Variants in LGR6 observed in about 807,000 individuals in gnomAD.
The protein encoded by LGR6 is leucine rich repeat containing G protein-coupled receptor 6.
LGR6 carries 45 observed loss-of-function variants against 69.4 expected under a neutral mutation model. The observed-to-expected ratio is 0.65, with a 90% CI of 0.51 to 0.83. The LOEUF (loss-of-function observed/expected upper bound fraction) is 0.83, where lower values mean the gene tolerates loss of function less well. Ranked by LOEUF, LGR6 falls within the 40% of genes least tolerant of loss-of-function variation. The pLI is 0.00. For synonymous variants in LGR6, 538 were observed against 555.0 expected (o/e 0.97, Z 0.43); for missense variants, 1,108 against 1,246.7 (o/e 0.89, Z 1.68).
chr1:202,303,201 G>A (rs1667733376), intron 9 of LGR6, 78 bp from the exon 10 acceptor site: 1 of 1,129,814 alleles, frequency 8.9e-7, no homozygotes, highest in Non-Finnish European at 1.3e-6. Flanking sequence ...CCGGAGGGGA[G>A]ACAAAATGGA....
At chr1:202,213,230 T>C (rs1415162143) in intron 1 of LGR6, among the ~76,000 whole-genome samples, 1 of 152,138 alleles carries the variant, frequency 6.6e-6, no homozygotes, top group African/African-American at 2.4e-5. Flanking sequence ...TGTCCAACAC[T>C]TCCCCATGTC....
intron 1 of LGR6, among the ~76,000 whole-genome samples, chr1:202,218,310 C>A (rs60505020): frequency 0.028 from 4,210 of 152,146 alleles, 194 homozygotes; most frequent in African/African-American, 0.096. Context: ...TTAAAATTTT[C>A]TTTTAAGAGA....
chr1:202,204,243 ACCT>A (rs1242410345), intron 1 of LGR6, among the ~76,000 whole-genome samples: 309 of 121,776 alleles, frequency 2.5e-3, no homozygotes, highest in African/African-American at 9.1e-3. Context: ...ACACACACAC[ACCT>A]CCACACACAA....
chr1:202,201,627 C>G (rs1013950960), intron 1 of LGR6, among the ~76,000 whole-genome samples: 3 of 152,202 alleles, frequency 2.0e-5, no homozygotes, highest in Admixed American at 2.0e-4. Flanking sequence ...TGAGGGGTTT[C>G]CAAACTCCAA....
chr1:202,301,094 A>G, intron 8 of LGR6, 70 bp from the exon 9 acceptor site: 1 of 1,457,460 alleles, frequency 6.9e-7, no homozygotes, highest in East Asian at 2.3e-5. Context: ...AGAAGAAAGC[A>G]GAGATTGGCC....
chr1:202,230,407 G>A (rs942243013), intron 3 of LGR6, among the ~76,000 whole-genome samples: 3 of 152,122 alleles, frequency 2.0e-5, no homozygotes, highest in Non-Finnish European at 2.9e-5. Context: ...GTCTCACATC[G>A]CTATCTCTGT....
rs1053338791 is a variant in LGR6 at position 202,288,003 on chromosome 1, G to GA, written c.716+7161dup. ...TCCAGTGATTCCTCATCATACTCCA[G>GA]AAAAAAAAAAGCCAACATTCTGTAC... On this transcript the variant is annotated intron_variant, in intron 6 of 17. Transcript: ENST00000367278. 1.4e-3 allele frequency among the ~76,000 whole-genome samples: 205 copies of GA among 147,772 alleles called. 1 individual carries two copies. The highest frequency in any genetic ancestry group is 4.4e-3 in the African/African-American group (178 of 40,422).
chr1:202,214,680 C>G (rs1659646872), intron 1 of LGR6, among the ~76,000 whole-genome samples: 1 of 152,164 alleles, frequency 6.6e-6, no homozygotes, highest in African/African-American at 2.4e-5. Context: ...GTTCCCTGAC[C>G]TATTAAAAAG....
rs544313896 is a variant in LGR6 at position 202,221,202 on chromosome 1, C to G, written c.213-4221C>G. 5.3e-4 allele frequency among the ~76,000 whole-genome samples: 81 copies of G among 152,172 alleles called. 1 individual carries two copies. The highest frequency in any genetic ancestry group is 9.6e-4 in the Non-Finnish European group (65 of 67,996). On this transcript the variant is annotated intron_variant, in intron 1 of 17. Transcript: ENST00000367278. ...TCCCATAGGAAAAATTCAAACAGAC[C>G]CAATCCCCTCGGGCCCTGGGATATG... is the stretch of plus-strand genomic sequence containing the variant.
At chr1:202,205,150 C>CA (rs1553238333) in intron 1 of LGR6, among the ~76,000 whole-genome samples, 2 of 23,110 alleles carry the variant, frequency 8.7e-5, no homozygotes, top group African/African-American at 1.4e-4. Flanking sequence ...ACACACACCT[C>CA]CACACACACC....
rs530094126 is a variant in LGR6, at chr1:202,297,475, T to TTGTTCTAATGAC, written c.717-31_717-30insTTCTAATGACTG. 1.4e-4 allele frequency: 224 copies of TTGTTCTAATGAC among 1,589,710 alleles called. 1 individual carries two copies. The East Asian group carries it at 4.1e-3, about 29-fold the overall frequency. ...GACCCTGACATGCCCCATTAAGCCT[T>TTGTTCTAATGAC]TGCCCTAATGACTGCTCTGCTTTCT... On this transcript the variant is annotated intron_variant, in intron 6 of 17. Coordinates refer to ENST00000367278, the MANE Select transcript of LGR6 (RefSeq NM_001017403.2).
intron 1 of LGR6, chr1:202,214,221 C>G: frequency 6.5e-7 from 1 of 1,540,102 alleles, no homozygotes; most frequent in Non-Finnish European, 8.7e-7. Flanking sequence ...TGGGAGTGCA[C>G]GGCGCGGTGC....
intron 1 of LGR6, among the ~76,000 whole-genome samples, chr1:202,208,884 A>T (rs1331821341): frequency 6.6e-6 from 1 of 152,108 alleles, no homozygotes; most frequent in Non-Finnish European, 1.5e-5. Flanking sequence ...CCCAGTGCCA[A>T]TGAGCAAATG....
At chr1:202,285,065 G>A (rs1258793029) in intron 6 of LGR6, among the ~76,000 whole-genome samples, 1 of 152,138 alleles carries the variant, frequency 6.6e-6, no homozygotes, top group Non-Finnish European at 1.5e-5. Flanking sequence ...ACAGGAAGAG[G>A]GCAAAGAAGA....
intron 1 of LGR6, among the ~76,000 whole-genome samples, chr1:202,218,267 G>T (rs891829667): frequency 6.6e-6 from 1 of 151,934 alleles, no homozygotes; most frequent in South Asian, 2.1e-4. Context: ...TATTCAGGGG[G>T]TGTTTGGAAA....
rs763662312 is a variant in LGR6, at chr1:202,279,240, G to A, written c.645-1541G>A. Among the ~76,000 whole-genome samples the A allele has an allele frequency of 6.2e-4, 95 of 152,186 alleles. 2 individuals carry two copies. The highest frequency in any genetic ancestry group is 3.9e-4 in the Admixed American group (6 of 15,286). ...GGGGAGATCACTCCCAGAAGGCAGT[G>A]TTTTCCCCTTTGGATCAGAAGCTCC... On this transcript the variant is annotated intron_variant, in intron 5 of 17. Transcript: ENST00000367278.
chr1:202,219,013 C>G (rs1290468705), intron 1 of LGR6, among the ~76,000 whole-genome samples: 2 of 152,192 alleles, frequency 1.3e-5, no homozygotes, highest in Non-Finnish European at 2.9e-5. Context: ...CATGGGAAAA[C>G]AACTTCATGA....
chr1:202,263,071 G>T (rs898569295), intron 4 of LGR6, among the ~76,000 whole-genome samples: 1 of 151,680 alleles, frequency 6.6e-6, no homozygotes, highest in African/African-American at 2.4e-5. Context: ...CTTACTGAGG[G>T]TGTCAAATAA....
intron 6 of LGR6, among the ~76,000 whole-genome samples, chr1:202,291,388 C>T (rs1001058168): frequency 9.9e-5 from 15 of 152,174 alleles, no homozygotes; most frequent in Admixed American, 9.2e-4. Context: ...ATGAAAGATA[C>T]ACACTGAGCC....
Sources: gnomAD v4.1 joint callset for allele counts (sites outside exome capture counted in the v4.1 genomes callset) on GRCh38, gnomAD v4.1.1 for gene constraint, MANE v1.5 for transcripts, NCBI Gene and HGNC (gene_info 2026-07-23, HGNC 2026-07-21) for gene names.